Variants in NAV3 observed in about 807,000 individuals in gnomAD.
NAV3 encodes the protein pore membrane and/or filament interacting like protein 1.
In NAV3, 87 loss-of-function variants were observed where a neutral mutation model predicts 244.7. The observed-to-expected ratio is 0.36, with a 90% confidence interval of 0.30 to 0.42. The LOEUF is 0.42. NAV3 is among the 20% of genes least tolerant of loss of function. NAV3 has a pLI of 1.00. For synonymous variants in NAV3, 1,126 were observed against 1,042.2 expected, an observed-to-expected ratio of 1.08 and a Z score of -1.55; for missense variants, 2,663 against 2,893.3, an observed-to-expected ratio of 0.92 and a Z score of 1.83.
At chr12:77,642,526 C>T (rs757272720) in intron 2 of NAV3, among the ~76,000 whole-genome samples, 1 of 152,016 alleles carries the variant, frequency 6.6e-6, no homozygotes, top group African/African-American at 2.4e-5. Context: ...TTTTTCATTA[C>T]CCCTTTTGTG....
In NAV3 at chr12:77,741,148, C is replaced by CAAAAAAAAAAAAAAAAAAAAAA; in HGVS notation, c.72+168900_72+168901insAAAAAAAAAAAAAAAAAAAAAA. ...GAAATAGTCAAAGAAAAAAAAAAGA[C>CAAAAAAAAAAAAAAAAAAAAAA]AAAAAAAAAAAAAAAAAAGAAAAGA... On this transcript the variant is annotated intron_variant, in intron 2 of 8. Coordinates refer to the NAV3 transcript ENST00000550042. 3.3e-3 allele frequency among the ~76,000 whole-genome samples: 227 copies of CAAAAAAAAAAAAAAAAAAAAAA among 68,566 alleles called. 1 individual carries two copies. The highest frequency in any genetic ancestry group is 4.6e-3 in the African/African-American group (77 of 16,838). 45.0% of individuals were successfully genotyped at this position (68,566 alleles called of 152,430 possible). A position where few individuals can be genotyped will look rare whatever the true frequency, so the allele number is the denominator to read the frequency against.
intron 1 of NAV3, among the ~76,000 whole-genome samples, chr12:77,874,422 G>C (rs1056230919): frequency 6.6e-6 from 1 of 151,806 alleles, no homozygotes; most frequent in African/African-American, 2.4e-5. Context: ...TGTTGCCCAG[G>C]CTGGCTTGAA....
At chr12:78,154,313 G>T (rs572393) in intron 22 of NAV3, among the ~76,000 whole-genome samples, 1 of 130,494 alleles carries the variant, frequency 7.7e-6, no homozygotes, top group Admixed American at 8.7e-5. Context: ...ATAATATATA[G>T]TATATATATA....
chr12:77,667,648 A>G (rs529454073), intron 2 of NAV3, among the ~76,000 whole-genome samples: 79 of 152,124 alleles, frequency 5.2e-4, no homozygotes, highest in African/African-American at 1.8e-3. Context: ...CCCTGCCCCA[A>G]CCTGGTAGTC....
At chr12:78,045,055 T>C (rs1881529868) in intron 9 of NAV3, among the ~76,000 whole-genome samples, 1 of 152,198 alleles carries the variant, frequency 6.6e-6, no homozygotes, top group African/African-American at 2.4e-5. Context: ...AGTATGATAT[T>C]GGCTGTGTGT....
intron 35 of NAV3, among the ~76,000 whole-genome samples, chr12:78,197,821 G>T (rs192318332): frequency 6.6e-6 from 1 of 151,752 alleles, no homozygotes; most frequent in African/African-American, 2.4e-5. Flanking sequence ...GAACATTTGC[G>T]AAACCAACAA....
intron 1 of NAV3, among the ~76,000 whole-genome samples, chr12:77,921,477 C>T (rs2137176488): frequency 6.6e-6 from 1 of 152,018 alleles, no homozygotes; most frequent in East Asian, 1.9e-4. Context: ...CTGGAATAAC[C>T]AACAAATTGT....
chr12:78,081,468 G>A (rs531893697), intron 12 of NAV3, among the ~76,000 whole-genome samples: 2 of 152,254 alleles, frequency 1.3e-5, no homozygotes, highest in African/African-American at 4.8e-5. Context: ...GAGATGAGTC[G>A]GGGAGGTGTG....
intron 12 of NAV3, among the ~76,000 whole-genome samples, chr12:78,073,364 A>G (rs1277750672): frequency 9.4e-5 from 14 of 148,758 alleles, no homozygotes; most frequent in African/African-American, 3.5e-4. Flanking sequence ...TCAATGTACA[A>G]AAATCACAAG....
chr12:77,998,282 T>C, intron 6 of NAV3, 55 bp from the exon 7 acceptor site: 1 of 1,352,602 alleles, frequency 7.4e-7, no homozygotes. Flanking sequence ...CACCTCCTGC[T>C]TCTTACCTTT....
At chr12:78,078,628 C>T (rs1031303380) in intron 12 of NAV3, among the ~76,000 whole-genome samples, 1 of 151,902 alleles carries the variant, frequency 6.6e-6, no homozygotes, top group Non-Finnish European at 1.5e-5. Flanking sequence ...ATCTCCTGAC[C>T]TCGTGATCCG....
At chr12:78,081,117 C>T (rs572381460) in intron 12 of NAV3, among the ~76,000 whole-genome samples, 1 of 152,116 alleles carries the variant, frequency 6.6e-6, no homozygotes, top group Non-Finnish European at 1.5e-5. Context: ...TCTTTTGAGT[C>T]TTTCTTTAAT....
intron 5 of NAV3, 42 bp downstream of exon 5, chr12:77,968,744 G>A (rs1322063902): frequency 6.3e-7 from 1 of 1,575,746 alleles, no homozygotes; most frequent in East Asian, 2.3e-5. Flanking sequence ...ATTAGTTTGT[G>A]TAGATACAAC....
chr12:77,655,068 G>T (rs1873024478), intron 2 of NAV3, among the ~76,000 whole-genome samples: 1 of 152,166 alleles, frequency 6.6e-6, no homozygotes. Context: ...TCCTCCAAAG[G>T]ATCGCACTTC....
At chr12:77,734,291 A>G (rs930443905) in intron 2 of NAV3, among the ~76,000 whole-genome samples, 1 of 151,192 alleles carries the variant, frequency 6.6e-6, no homozygotes, top group Non-Finnish European at 1.5e-5. Flanking sequence ...TGCTTGTTGT[A>G]TTCATGGTCT....
intron 20 of NAV3, among the ~76,000 whole-genome samples, chr12:78,142,905 T>A (rs1956692167): frequency 6.6e-6 from 1 of 152,078 alleles, no homozygotes; most frequent in Admixed American, 6.6e-5. Context: ...AAGTAAACTG[T>A]AGTAAAATAA....
chr12:78,007,459 T>C lies in NAV3; in HGVS notation c.1907+14T>C, dbSNP rs148743662. On this transcript the variant is annotated intron_variant, in intron 8 of 39. Transcript: ENST00000397909. The stretch of plus-strand genomic sequence containing the variant: ...ATTCATTTACAGGTAAGGTGGCCTC[T>C]GTTTATCCACAGTTGTAAATATATT... The C allele has an allele frequency of 6.3e-3, 10,187 of 1,607,626 alleles. 35 individuals carry two copies. The highest frequency in any genetic ancestry group is 7.7e-3 in the Non-Finnish European group (9,097 of 1,176,800).
chr12:77,662,106 AT>A (rs1218783290), intron 2 of NAV3, among the ~76,000 whole-genome samples: 1 of 151,962 alleles, frequency 6.6e-6, no homozygotes, highest in African/African-American at 2.4e-5. Flanking sequence ...TTTGACAGAG[AT>A]TCTGTTGAAT....
intron 1 of NAV3, among the ~76,000 whole-genome samples, chr12:77,845,201 A>G (rs1367108507): frequency 6.6e-6 from 1 of 152,198 alleles, no homozygotes; most frequent in Non-Finnish European, 1.5e-5. Flanking sequence ...CTTGTGGAAT[A>G]CAAATACACT....
Sources: allele counts gnomAD v4.1 joint callset (sites outside exome capture counted in the v4.1 genomes callset), GRCh38; gene constraint gnomAD v4.1.1; transcripts MANE v1.5; gene names NCBI Gene and HGNC (gene_info 2026-07-23, HGNC 2026-07-21).